The following AGPAT4 variants were observed in gnomAD, a reference collection of about 807,000 sequenced individuals.
AGPAT4 encodes 1-acyl-sn-glycerol-3-phosphate acyltransferase delta.
A neutral mutation model predicts 48.0 loss-of-function variants in AGPAT4; 15 were observed. The ratio of observed to expected loss-of-function variants is 0.31; its 90% CI spans 0.21 to 0.48. AGPAT4 has a LOEUF of 0.48. Among genes scored for constraint, AGPAT4 ranks in the 20% least tolerant of loss-of-function variants. The pLI is 0.99. For synonymous variants in AGPAT4, 178 were observed against 198.7 expected (o/e 0.90, Z 0.88); for missense variants, 314 against 482.5 (o/e 0.65, Z 3.27).
intron 2 of AGPAT4, among the ~76,000 whole-genome samples, chr6:161,209,837 T>G (rs377430306): frequency 6.6e-6 from 1 of 152,178 alleles, no homozygotes; most frequent in African/African-American, 2.4e-5. Context: ...CCAGGCAGGA[T>G]GTGATGAAGA....
rs1176044524 is a variant in AGPAT4, at chr6:161,206,442, A to G, written c.178+25594T>C. On this transcript the variant is annotated intron_variant, in intron 2 of 8. Coordinates refer to ENST00000320285, the MANE Select transcript of AGPAT4 (RefSeq NM_020133.3). This position sits in a 1 kb window ranked among gnomAD's most constrained non-coding sequence, Gnocchi z 4.8. ...CTCCCACCTTTGCACAGCAGTAATGAGACACCCTTCTCCCATCCAGGTGTC... is the reference window on the plus strand; with the variant it reads ...CTCCCACCTTTGCACAGCAGTAATGGGACACCCTTCTCCCATCCAGGTGTC... Among the ~76,000 whole-genome samples, 1 of 152,174 alleles carries G rather than the reference A, an allele frequency of 6.6e-6. No individual in the cohort carries two copies. Among genetic ancestry groups the G allele is most frequent in the East Asian group, 1.9e-4 (1 of 5,192 alleles).
At position 161,242,188 on chromosome 6, in the gene AGPAT4, A is replaced by G. The variant is rs1337598500; in HGVS notation, c.-89-9886T>C. ...TCTCACATTATAGATGCGAAAACCG[A>G]GGTTTAGTTAGAGGAGGTGAAGTGT... is the stretch of plus-strand genomic sequence containing the variant. On this transcript the variant is annotated intron_variant, in intron 1 of 8. Coordinates refer to ENST00000320285, the MANE Select transcript of AGPAT4 (RefSeq NM_020133.3). This position sits in a 1 kb window ranked among gnomAD's most constrained non-coding sequence, Gnocchi z 5.0. 6.6e-6 allele frequency among the ~76,000 whole-genome samples: 1 copy of G among 152,216 alleles called. No homozygotes were observed. Among genetic ancestry groups the G allele is most frequent in the Non-Finnish European group, 1.5e-5 (1 of 68,032 alleles).
Position 161,177,363 on chromosome 6 carries a change from A to T in AGPAT4, c.179-10946T>A, listed in dbSNP as rs1780456639. Among the ~76,000 whole-genome samples, 1 of 151,774 alleles carries T rather than the reference A, an allele frequency of 6.6e-6. No individual in the cohort carries two copies. The highest frequency in any genetic ancestry group is 1.5e-5 in the Non-Finnish European group (1 of 67,966). On this transcript the variant is annotated intron_variant, in intron 2 of 8. Transcript: ENST00000320285. This position sits in a 1 kb window ranked among gnomAD's most constrained non-coding sequence, Gnocchi z 5.0. ...TTTCTTTTTACTCTTCTTTCTCTAA[A>T]CTTCTCTTCTCGCTTCATTTCATTA...
chr6:161,192,828 T>C (rs1240903628), intron 2 of AGPAT4, among the ~76,000 whole-genome samples: 3 of 152,246 alleles, frequency 2.0e-5, no homozygotes, highest in Non-Finnish European at 4.4e-5. Flanking sequence ...ACATTAAAGA[T>C]ACGATTGCAT....
At chr6:161,192,035 CT>C (rs200155345) in intron 2 of AGPAT4, among the ~76,000 whole-genome samples, 754 of 126,744 alleles carry the variant, frequency 5.9e-3, no homozygotes, top group African/African-American at 0.013. Context: ...TTGTGCATTC[CT>C]TTTTTTTTTT....
chr6:161,185,741 G>A (rs1019066155), intron 2 of AGPAT4, among the ~76,000 whole-genome samples: 15 of 152,204 alleles, frequency 9.9e-5, no homozygotes, highest in African/African-American at 3.4e-4. Flanking sequence ...GGCATCACCC[G>A]AAACCTCTCA....
At position 161,147,757 on chromosome 6, in the gene AGPAT4, G is replaced by A. The variant is rs1251592286; in HGVS notation, c.768-1158C>T. 6.6e-6 allele frequency among the ~76,000 whole-genome samples: 1 copy of A among 152,174 alleles called. No individual in the cohort carries two copies. Among genetic ancestry groups the A allele is most frequent in the African/African-American group, 2.4e-5 (1 of 41,434 alleles). On this transcript the variant is annotated intron_variant, in intron 6 of 8. Coordinates refer to ENST00000320285, the MANE Select transcript of AGPAT4 (RefSeq NM_020133.3). The surrounding 1 kb of genome is among the most constrained non-coding windows in gnomAD (Gnocchi z 4.8). ...CTGCTTTGGAAATGAGATCTCTCAA[G>A]TCTGCCTAATATTTCTTTATTTGGA... is the stretch of plus-strand genomic sequence containing the variant.
Position 161,136,486 on chromosome 6 carries a change from T to C in AGPAT4, c.*54A>G. On this transcript the variant is annotated 3_prime_UTR_variant, in exon 9 of 9. Coordinates refer to ENST00000320285, the MANE Select transcript of AGPAT4 (RefSeq NM_020133.3). The stretch of plus-strand genomic sequence containing the variant: ...TCACCGTGTCCCACTAAGGAGGATA[T>C]GCAGAGGCCACCAGTTCCCCAAGGT... 3 of 1,531,622 alleles carry C rather than the reference T, an allele frequency of 2.0e-6. No individual in the cohort carries two copies. Among genetic ancestry groups the C allele is most frequent in the East Asian group, 4.5e-5 (2 of 44,436 alleles). 94.9% of individuals were successfully genotyped at this position (1,531,622 alleles called of 1,614,324 possible).
rs1256512626 is a variant in AGPAT4 at position 161,262,764 on chromosome 6, A to T, written c.-90+11174T>A. Reference sequence around the variant, plus strand: ...GTAGCTTCTTGGGACTTGAACTGGTACATTTCACACGCCTCTTTTGTTTTG... The same window carrying T: ...GTAGCTTCTTGGGACTTGAACTGGTTCATTTCACACGCCTCTTTTGTTTTG... On this transcript the variant is annotated intron_variant, in intron 1 of 8. Transcript: ENST00000320285. This position sits in a 1 kb window ranked among gnomAD's most constrained non-coding sequence, Gnocchi z 4.9. 6.6e-6 allele frequency among the ~76,000 whole-genome samples: 1 copy of T among 152,170 alleles called. No homozygotes were observed. The highest frequency in any genetic ancestry group is 2.4e-5 in the African/African-American group (1 of 41,448).
At chr6:161,194,846 C>T (rs1781030223) in intron 2 of AGPAT4, among the ~76,000 whole-genome samples, 1 of 152,126 alleles carries the variant, frequency 6.6e-6, no homozygotes, top group African/African-American at 2.4e-5. Context: ...ATTGCAGGAG[C>T]TCCTTAAACA....
intron 5 of AGPAT4, among the ~76,000 whole-genome samples, chr6:161,152,941 C>T (rs888351267): frequency 6.6e-6 from 1 of 152,224 alleles, no homozygotes; most frequent in Middle Eastern, 3.2e-3. Context: ...GTTCCAGACT[C>T]CGAGGTCAGC....
At position 161,193,610 on chromosome 6, in the gene AGPAT4, A is replaced by G. The variant is rs535504123; in HGVS notation, c.179-27193T>C. The stretch of plus-strand genomic sequence containing the variant: ...GGGTGATCAACCTTCCTTTTGGTTC[A>G]TCTTTACATTGAGGTTACAGCCTTT... On this transcript the variant is annotated intron_variant, in intron 2 of 8. Transcript: ENST00000320285. Among the ~76,000 whole-genome samples the G allele has an allele frequency of 1.2e-4, 18 of 152,318 alleles. No homozygotes were observed. The East Asian group carries it at 3.3e-3, about 28-fold the overall frequency.
intron 2 of AGPAT4, among the ~76,000 whole-genome samples, chr6:161,167,586 T>C (rs1303991720): frequency 6.6e-6 from 1 of 152,106 alleles, no homozygotes; most frequent in Non-Finnish European, 1.5e-5. Flanking sequence ...ACTCACTCCC[T>C]CCCCACCCCA....
At chr6:161,257,701 C>T (rs1782980613) in intron 1 of AGPAT4, among the ~76,000 whole-genome samples, 1 of 151,470 alleles carries the variant, frequency 6.6e-6, no homozygotes, top group Non-Finnish European at 1.5e-5. Context: ...TAATTTTCTT[C>T]ATGGAAATTA....
rs187177280 is a variant in AGPAT4 at position 161,221,176 on chromosome 6, G to A, written c.178+10860C>T. On this transcript the variant is annotated intron_variant, in intron 2 of 8. Coordinates refer to ENST00000320285, the MANE Select transcript of AGPAT4 (RefSeq NM_020133.3). The surrounding 1 kb of genome is among the most constrained non-coding windows in gnomAD (Gnocchi z 4.5). ...AGGAAACGTGTGAGGCTTTCCCTCC[G>A]GTCAGCAGAAAATCCACCCCTCGGG... Among the ~76,000 whole-genome samples the A allele has an allele frequency of 4.5e-4, 69 of 152,262 alleles. No homozygotes were observed. The East Asian group carries it at 8.9e-3, about 20-fold the overall frequency.
At position 161,148,870 on chromosome 6, in the gene AGPAT4, C is replaced by T. The variant is rs939837375; in HGVS notation, c.767+317G>A. Among the ~76,000 whole-genome samples, 2 of 152,210 alleles carry T rather than the reference C, an allele frequency of 1.3e-5. No individual in the cohort carries two copies. The highest frequency in any genetic ancestry group is 2.9e-5 in the Non-Finnish European group (2 of 68,048). On this transcript the variant is annotated intron_variant, in intron 6 of 8. Transcript: ENST00000320285. The surrounding 1 kb of genome is among the most constrained non-coding windows in gnomAD (Gnocchi z 5.5). ...CTGTGTGTATTCCATACAGCAGACC[C>T]ATCGCCCACGAAAAGGGTCAATAAC...
rs1159598896 is a variant in AGPAT4, at chr6:161,270,959, T to C, written c.-90+2979A>G. ...ATGACATTCCGGGTAAGTTCCTGGT[T>C]GCGTCTTCCCCAGTTTCATACCTGT... On this transcript the variant is annotated intron_variant, in intron 1 of 8. Coordinates refer to ENST00000320285, the MANE Select transcript of AGPAT4 (RefSeq NM_020133.3). The surrounding 1 kb of genome is among the most constrained non-coding windows in gnomAD (Gnocchi z 5.3). Among the ~76,000 whole-genome samples, 1 of 152,230 alleles carries C rather than the reference T, an allele frequency of 6.6e-6. No homozygotes were observed. Among genetic ancestry groups the C allele is most frequent in the Non-Finnish European group, 1.5e-5 (1 of 68,038 alleles).
chr6:161,168,992 C>A (rs138429077), intron 2 of AGPAT4, among the ~76,000 whole-genome samples: 24 of 152,198 alleles, frequency 1.6e-4, no homozygotes, highest in African/African-American at 5.8e-4. Flanking sequence ...TGACATGGGG[C>A]ATAGCAGGCA....
rs541344163 is a variant in AGPAT4, at chr6:161,242,218, G to C, written c.-89-9916C>G. 6.6e-6 allele frequency among the ~76,000 whole-genome samples: 1 copy of C among 152,308 alleles called. No homozygotes were observed. Among genetic ancestry groups the C allele is most frequent in the East Asian group, 1.9e-4 (1 of 5,188 alleles). On this transcript the variant is annotated intron_variant, in intron 1 of 8. Transcript: ENST00000320285. This position sits in a 1 kb window ranked among gnomAD's most constrained non-coding sequence, Gnocchi z 5.0. ...TAGTTAGAGGAGGTGAAGTGTAAAG[G>C]GCTAATGGTGAGTAACTGTGGGGGC...
Sources: gnomAD v4.1 joint callset for allele counts (sites outside exome capture counted in the v4.1 genomes callset) on GRCh38, gnomAD v4.1.1 for gene constraint, Gnocchi (gnomAD v3.1) non-coding constraint, MANE v1.5 for transcripts, NCBI Gene and HGNC (gene_info 2026-07-23, HGNC 2026-07-21) for gene names.